The following KIF16B variants were observed in gnomAD, a reference collection of about 807,000 sequenced individuals.
KIF16B encodes the protein kinesin-like protein KIF16B.
A neutral mutation model predicts 156.3 loss-of-function variants in KIF16B; 98 were observed. That is an observed-to-expected ratio of 0.63 (90% confidence interval 0.53 to 0.74). The LOEUF (loss-of-function observed/expected upper bound fraction) is 0.74, where lower values mean the gene tolerates loss of function less well. KIF16B is among the 30% of genes least tolerant of loss of function. The pLI, the probability that KIF16B is intolerant of heterozygous loss-of-function variation, is 0.00. For synonymous variants in KIF16B, 564 were observed against 583.7 expected, an observed-to-expected ratio of 0.97 and a Z score of 0.49; for missense variants, 1,421 against 1,606.5, an observed-to-expected ratio of 0.88 and a Z score of 1.97.
intron 17 of KIF16B, among the ~76,000 whole-genome samples, chr20:16,390,952 G>A (rs751154038): frequency 6.6e-6 from 1 of 152,164 alleles, no homozygotes; most frequent in Non-Finnish European, 1.5e-5. Flanking sequence ...AGAATGTAAG[G>A]AGCCCAGTGG....
At chr20:16,310,974 T>C (rs996124212) in intron 25 of KIF16B, among the ~76,000 whole-genome samples, 1 of 152,194 alleles carries the variant, frequency 6.6e-6, no homozygotes, top group African/African-American at 2.4e-5. Context: ...CTCCCACTTC[T>C]CTCCTTCTGC....
intron 22 of KIF16B, among the ~76,000 whole-genome samples, chr20:16,370,122 TACCAGTGAA>T (rs2064780869): frequency 6.6e-6 from 1 of 152,148 alleles, no homozygotes; most frequent in Admixed American, 6.5e-5. Flanking sequence ...TGGAGGAGAA[TACCAGTGAA>T]ACCTTACAAA....
chr20:16,460,753 T>C (rs2067325851), intron 12 of KIF16B, among the ~76,000 whole-genome samples: 1 of 152,084 alleles, frequency 6.6e-6, no homozygotes, highest in South Asian at 2.1e-4. Flanking sequence ...AAAAGTATTA[T>C]GTTTATTAAT....
At chr20:16,464,213 C>T (rs2067425058) in intron 12 of KIF16B, among the ~76,000 whole-genome samples, 1 of 152,102 alleles carries the variant, frequency 6.6e-6, no homozygotes, top group African/African-American at 2.4e-5. Context: ...ATTAGAGCCT[C>T]ACCGTTACAG....
chr20:16,459,675 G>A (rs1356332250), intron 12 of KIF16B, among the ~76,000 whole-genome samples: 1 of 152,234 alleles, frequency 6.6e-6, no homozygotes, highest in Non-Finnish European at 1.5e-5. Context: ...TCAGCAGGTT[G>A]TCACTAATGT....
At chr20:16,276,381 C>G (rs1241969092) in intron 25 of KIF16B, among the ~76,000 whole-genome samples, 1 of 152,194 alleles carries the variant, frequency 6.6e-6, no homozygotes, top group Non-Finnish European at 1.5e-5. Context: ...CAGGTAATGT[C>G]TTTTTCTTTA....
At chr20:16,539,561 C>T (rs1019038624) in intron 1 of KIF16B, among the ~76,000 whole-genome samples, 1 of 152,106 alleles carries the variant, frequency 6.6e-6, no homozygotes, top group Non-Finnish European at 1.5e-5. Context: ...CTCCCCCGAC[C>T]CTTGCTCTCA....
chr20:16,528,060 C>T (rs900979145), intron 2 of KIF16B, among the ~76,000 whole-genome samples: 4 of 152,016 alleles, frequency 2.6e-5, no homozygotes, highest in Non-Finnish European at 5.9e-5. Flanking sequence ...CAGTCAATTG[C>T]CAGGCTAAGT....
chr20:16,458,817 C>A (rs1231357282), intron 12 of KIF16B, among the ~76,000 whole-genome samples: 1 of 151,818 alleles, frequency 6.6e-6, no homozygotes, highest in Non-Finnish European at 1.5e-5. Context: ...AGCCACTCTG[C>A]AAGAAAGCCA....
intron 15 of KIF16B, among the ~76,000 whole-genome samples, chr20:16,423,856 T>C (rs1455799744): frequency 4.0e-5 from 6 of 151,878 alleles, no homozygotes; most frequent in African/African-American, 4.8e-5. Context: ...GGGTTGTCAG[T>C]GAATCGTGTT....
intron 12 of KIF16B, among the ~76,000 whole-genome samples, chr20:16,479,247 A>AC (rs2067908765): frequency 2.0e-5 from 3 of 152,186 alleles, no homozygotes; most frequent in Non-Finnish European, 4.4e-5. Context: ...CAACAAACTA[A>AC]TGCAGGAACA....
chr20:16,288,477 T>G (rs1036162790), intron 25 of KIF16B, among the ~76,000 whole-genome samples: 40 of 151,460 alleles, frequency 2.6e-4, no homozygotes, highest in Non-Finnish European at 5.2e-4. Flanking sequence ...GTATGTACCT[T>G]AGTAAACACA....
chr20:16,532,063 C>T (rs1466599960), intron 1 of KIF16B, among the ~76,000 whole-genome samples: 16 of 122,506 alleles, frequency 1.3e-4, no homozygotes, highest in Non-Finnish European at 2.4e-4. Context: ...AGCAAAACTC[C>T]GTCTCAAAAA....
intron 23 of KIF16B, among the ~76,000 whole-genome samples, chr20:16,350,784 C>T (rs530219104): frequency 2.8e-4 from 42 of 151,858 alleles, no homozygotes; most frequent in South Asian, 1.0e-3. Flanking sequence ...ATCACCGAAG[C>T]GCCAGACAGG....
In KIF16B at chr20:16,573,363, C is replaced by T. The variant is rs2071529361; in HGVS notation, c.-88G>A. On this transcript the variant is annotated 5_prime_UTR_variant, in exon 1 of 26. Transcript: ENST00000354981. ...CGCTGGCTACTCAGATCGCGGCTCC[C>T]GCCCACTTCCCTCTCGCCCCCGCCC... The T allele has an allele frequency of 2.8e-6, 4 of 1,421,986 alleles. No individual in the cohort carries two copies. Among genetic ancestry groups the T allele is most frequent in the South Asian group, 1.2e-5 (1 of 80,490 alleles). 88.1% of individuals were successfully genotyped at this position (1,421,986 alleles called of 1,614,324 possible).
intron 23 of KIF16B, among the ~76,000 whole-genome samples, chr20:16,337,964 C>T (rs1438051184): frequency 6.6e-6 from 1 of 152,212 alleles, no homozygotes; most frequent in Non-Finnish European, 1.5e-5. Flanking sequence ...TGAGACTATA[C>T]TATACTGGGA....
intron 23 of KIF16B, among the ~76,000 whole-genome samples, chr20:16,341,085 G>A (rs2064132845): frequency 6.6e-6 from 1 of 152,148 alleles, no homozygotes; most frequent in Admixed American, 6.5e-5. Flanking sequence ...GCTGGGAGGA[G>A]AAAGAAAGAT....
intron 3 of KIF16B, among the ~76,000 whole-genome samples, chr20:16,518,395 A>G (rs1277237889): frequency 6.6e-5 from 10 of 152,090 alleles, no homozygotes; most frequent in Admixed American, 6.5e-4. Flanking sequence ...CCTGAAATCC[A>G]CCTTGCTGCC....
intron 12 of KIF16B, among the ~76,000 whole-genome samples, chr20:16,469,561 TA>T (rs368181137): frequency 0.032 from 3,478 of 110,142 alleles, 76 homozygotes; most frequent in South Asian, 0.087. Context: ...CCACCTTAAC[TA>T]AAAAAAAAAA....
Sources: gnomAD v4.1 joint callset for allele counts (sites outside exome capture counted in the v4.1 genomes callset) on GRCh38, gnomAD v4.1.1 for gene constraint, MANE v1.5 for transcripts, NCBI Gene and HGNC (gene_info 2026-07-23, HGNC 2026-07-21) for gene names.